RCOR1: variants seen among roughly 807,000 people sequenced by gnomAD.
RCOR1 encodes the protein REST corepressor.
Under a neutral mutation model 64.0 loss-of-function variants are expected in RCOR1, and 12 were observed. The observed-to-expected ratio is 0.19, with a 90% CI of 0.12 to 0.30. The LOEUF is 0.30. Ranked by LOEUF, RCOR1 falls within the 10% of genes least tolerant of loss-of-function variation. The pLI is 1.00. For synonymous variants in RCOR1, 279 were observed against 227.2 expected (o/e 1.23, Z -2.05); for missense variants, 502 against 621.2 (o/e 0.81, Z 2.04).
chr14:102,625,559 A>G (rs1159527648), intron 2 of RCOR1, among the ~76,000 whole-genome samples: 2 of 149,812 alleles, frequency 1.3e-5, no homozygotes, highest in Admixed American at 6.7e-5. Context: ...AAATAGAGAC[A>G]GTGTCTCACT....
intron 7 of RCOR1, 64 bp from the exon 8 acceptor site, chr14:102,714,359 T>C: frequency 9.6e-7 from 1 of 1,043,102 alleles, no homozygotes. Context: ...AGGAAATAAA[T>C]ATGTTTATTA....
At chr14:102,704,690 G>C (rs141047129) in intron 4 of RCOR1, among the ~76,000 whole-genome samples, 6 of 152,224 alleles carry the variant, frequency 3.9e-5, no homozygotes, top group Admixed American at 3.9e-4. Flanking sequence ...TCGGCCTTCC[G>C]AAGTGCTGGG....
intron 5 of RCOR1, 87 bp downstream of exon 5, chr14:102,707,599 A>C: frequency 9.2e-7 from 1 of 1,091,562 alleles, no homozygotes; most frequent in South Asian, 1.6e-5. Flanking sequence ...TATCATACTC[A>C]AACATAAATA....
At chr14:102,643,693 C>T (rs901054219) in intron 2 of RCOR1, among the ~76,000 whole-genome samples, 1 of 152,154 alleles carries the variant, frequency 6.6e-6, no homozygotes, top group Non-Finnish European at 1.5e-5. Context: ...CTTTCCCTAG[C>T]CTAGCACAAG....
At chr14:102,636,984 C>T (rs1274410170) in intron 2 of RCOR1, among the ~76,000 whole-genome samples, 1 of 151,892 alleles carries the variant, frequency 6.6e-6, no homozygotes, top group African/African-American at 2.4e-5. Context: ...AAAAACAAAA[C>T]AAAACAAAAC....
At chr14:102,641,203 C>T (rs1211215189) in intron 2 of RCOR1, among the ~76,000 whole-genome samples, 1 of 151,950 alleles carries the variant, frequency 6.6e-6, no homozygotes, top group Non-Finnish European at 1.5e-5. Flanking sequence ...TGCAGTGACC[C>T]GAAATTGCAC....
chr14:102,592,790 G>T lies in RCOR1; in HGVS notation c.-97G>T. ...CCGTGGGCTCCCGCCGCGCCCGCCC[G>T]GCCCCGCGCCGGCCCCGCGCCCCCT... On this transcript the variant is annotated 5_prime_UTR_variant, in exon 1 of 12. Transcript: ENST00000262241. 2 of 1,186,158 alleles carry T rather than the reference G, an allele frequency of 1.7e-6. No homozygotes were observed. Among genetic ancestry groups the T allele is most frequent in the Non-Finnish European group, 2.1e-6 (2 of 958,750 alleles). The allele number at this position is 1,186,158 out of a possible 1,614,324, so 73.5% of individuals were successfully genotyped here. A position where few individuals can be genotyped will look rare whatever the true frequency, so the allele number is the denominator to read the frequency against.
At chr14:102,593,239 G>A (rs1442459346) in intron 1 of RCOR1, 27 bp from the exon 2 acceptor site, 1 of 1,496,114 alleles carries the variant, frequency 6.7e-7, no homozygotes. Context: ...GCGCCGCGCT[G>A]ACCGCCGTAT....
rs901633404 is a variant in RCOR1 at position 102,596,812 on chromosome 14, G to A, written c.361+3487G>A. Among the ~76,000 whole-genome samples, 4 of 149,386 alleles carry A rather than the reference G, an allele frequency of 2.7e-5. No homozygotes were observed. In the South Asian group the frequency reaches 6.3e-4, roughly 24 times the overall value. The stretch of plus-strand genomic sequence containing the variant: ...ACTCTTTGCTTCAGGTGATCTCCCC[G>A]CCTTGTCCTTCCAAAGTGCTGGGAT... On this transcript the variant is annotated intron_variant, in intron 2 of 11. Coordinates refer to ENST00000262241, the MANE Select transcript of RCOR1 (RefSeq NM_015156.4).
intron 2 of RCOR1, among the ~76,000 whole-genome samples, chr14:102,627,668 A>AC (rs1894008139): frequency 6.6e-6 from 1 of 151,738 alleles, no homozygotes; most frequent in African/African-American, 2.4e-5. Context: ...AAAAAAAAAA[A>AC]AAACACACAC....
At chr14:102,682,008 T>G in intron 3 of RCOR1, 30 bp downstream of exon 3, 4 of 1,525,180 alleles carry the variant, frequency 2.6e-6, no homozygotes, top group Non-Finnish European at 3.6e-6. Context: ...ATTTTCCACC[T>G]TTCTTGTTTA....
In RCOR1 at chr14:102,728,952, G is replaced by A. The variant is rs187938015; in HGVS notation, c.*2446G>A. Reference sequence around the variant, plus strand: ...TAAGAAATCACTTAGCTTTAAAAGCGCAGTGGTTTGATCTTATTTATATGA... The same window carrying A: ...TAAGAAATCACTTAGCTTTAAAAGCACAGTGGTTTGATCTTATTTATATGA... On this transcript the variant is annotated 3_prime_UTR_variant, in exon 12 of 12. Transcript: ENST00000262241. 2.0e-5 allele frequency: 3 copies of A among 152,756 alleles called. No individual in the cohort carries two copies. The highest frequency in any genetic ancestry group is 1.3e-4 in the Admixed American group (2 of 15,310). The allele number at this position is 152,756 out of a possible 1,614,324, so 9.5% of individuals were successfully genotyped here. A position where few individuals can be genotyped will look rare whatever the true frequency, so the allele number is the denominator to read the frequency against.
chr14:102,711,098 T>C (rs961108358), intron 7 of RCOR1, 85 bp downstream of exon 7: 5 of 865,270 alleles, frequency 5.8e-6, no homozygotes, highest in African/African-American at 1.7e-5. Flanking sequence ...TTGTTCTACT[T>C]AATATATTAA....
rs1422375438 is a variant in RCOR1 at position 102,701,665 on chromosome 14, G to GT, written c.498+341dup. 3.3e-5 allele frequency among the ~76,000 whole-genome samples: 5 copies of GT among 152,294 alleles called. No homozygotes were observed. The East Asian group carries it at 9.6e-4, about 29-fold the overall frequency. ...GTCATTCTTCTGGTTGTATCATGAT[G>GT]TTTTTTGACGCATGTTTTCACATTC... is the stretch of plus-strand genomic sequence containing the variant. On this transcript the variant is annotated intron_variant, in intron 4 of 11. Coordinates refer to ENST00000262241, the MANE Select transcript of RCOR1 (RefSeq NM_015156.4).
At chr14:102,714,115 C>T (rs562101695) in intron 7 of RCOR1, among the ~76,000 whole-genome samples, 2 of 152,302 alleles carry the variant, frequency 1.3e-5, no homozygotes, top group South Asian at 4.1e-4. Flanking sequence ...GCAGAGAATA[C>T]AGATTTTTTT....
Position 102,708,490 on chromosome 14 carries a change from TG to T in RCOR1, c.688del (p.Val230Ter). 1 of 1,588,056 alleles carries T rather than the reference TG, an allele frequency of 6.3e-7. No individual in the cohort carries two copies. Among genetic ancestry groups the T allele is most frequent in the Non-Finnish European group, 8.6e-7 (1 of 1,156,708 alleles). On this transcript the variant is annotated frameshift_variant, in exon 6 of 12. Transcript: ENST00000262241. LOFTEE classifies it high-confidence loss of function. ...QMLPDKSIAS[L>X]VKFYYSWKKT... ...CTTCCAGATAAATCTATAGCAAGTCTGGTGAAATTTTACTATTCTTGGAAGA... is the reference window on the plus strand; with the variant it reads ...CTTCCAGATAAATCTATAGCAAGTCTGTGAAATTTTACTATTCTTGGAAGA...
chr14:102,621,365 G>GTTTTTT (rs1893867807), intron 2 of RCOR1, among the ~76,000 whole-genome samples: 1 of 96,566 alleles, frequency 1.0e-5, no homozygotes, highest in African/African-American at 3.9e-5. Context: ...ACCAGTCTTT[G>GTTTTTT]TCTTTTTTTT....
chr14:102,659,256 A>G (rs1894784455), intron 2 of RCOR1: 5 of 985,138 alleles, frequency 5.1e-6, no homozygotes, highest in Non-Finnish European at 6.0e-6. Flanking sequence ...TTGTTGATGC[A>G]GGGTTGCATT....
intron 2 of RCOR1, chr14:102,657,156 T>TAG: frequency 1.0e-6 from 1 of 979,010 alleles, no homozygotes; most frequent in Non-Finnish European, 1.2e-6. Context: ...ACACATAGGG[T>TAG]AGAAACTCGT....
Sources: allele counts gnomAD v4.1 joint callset (sites outside exome capture counted in the v4.1 genomes callset), GRCh38; gene constraint gnomAD v4.1.1; transcripts MANE v1.5; gene names NCBI Gene and HGNC (gene_info 2026-07-23, HGNC 2026-07-21).